STAT3: variants seen among roughly 807,000 people sequenced by gnomAD.
STAT3 encodes signal transducer and activator of transcription 3.
A neutral mutation model predicts 114.3 loss-of-function variants in STAT3; 7 were observed. The ratio of observed to expected loss-of-function variants is 0.06; its 90% confidence interval spans 0.03 to 0.11. The LOEUF (loss-of-function observed/expected upper bound fraction) is 0.11. STAT3 is among the 10% of genes least tolerant of loss of function. The pLI, the probability that STAT3 is intolerant of heterozygous loss-of-function variation, is 1.00. For missense variants in STAT3, 364 were observed against 960.9 expected, an observed-to-expected ratio of 0.38 and a Z score of 8.21; for synonymous variants, 331 against 354.5, an observed-to-expected ratio of 0.93 and a Z score of 0.74.
At chr17:42,371,992 C>CA (rs996707769) in intron 1 of STAT3, among the ~76,000 whole-genome samples, 3 of 151,378 alleles carry the variant, frequency 2.0e-5, no homozygotes, top group South Asian at 2.1e-4. Flanking sequence ...ACTCTGTCTC[C>CA]AAAAAAAACC....
At position 42,350,461 on chromosome 17, in the gene STAT3, A is replaced by T. The variant is rs190989434; in HGVS notation, c.-23-1922T>A. On this transcript the variant is annotated intron_variant, in intron 1 of 23. Transcript: ENST00000264657. ...GCACCTGGCTAATTTTTTTAAAAAA[A>T]TTTTTGTAGAGATAGGGTCTTCACT... is the stretch of plus-strand genomic sequence containing the variant. 1.8e-3 allele frequency among the ~76,000 whole-genome samples: 273 copies of T among 152,162 alleles called. 3 individuals carry two copies. The highest frequency in any genetic ancestry group is 5.9e-3 in the African/African-American group (246 of 41,534).
At chr17:42,325,523 T>C (rs1421997089) in intron 15 of STAT3, among the ~76,000 whole-genome samples, 1 of 152,138 alleles carries the variant, frequency 6.6e-6, no homozygotes, top group Non-Finnish European at 1.5e-5. Flanking sequence ...ACACACTGGC[T>C]GCTAAGACTC....
At position 42,323,319 on chromosome 17, in the gene STAT3, G is replaced by C; in HGVS notation, c.1689C>G (p.Val563=). Residue 563 remains valine (V), a synonymous_variant, in exon 19 of 24, where the codon GTC becomes GTG. Transcript: ENST00000264657. Reference sequence around the variant, plus strand: ...CAAGGTCAATGATATTGTCCAGCCAGACCCAGAAGGAGAAGCCCTTGCCAG... The same window carrying C: ...CAAGGTCAATGATATTGTCCAGCCACACCCAGAAGGAGAAGCCCTTGCCAG... The part of the protein sequence containing the change: ...NMAGKGFSFW[V]WLDNIIDLVK... 6.2e-7 allele frequency: 1 copy of C among 1,614,184 alleles called. No homozygotes were observed. The highest frequency in any genetic ancestry group is 1.1e-5 in the South Asian group (1 of 91,082).
chr17:42,375,967 A>G (rs1482670197), intron 1 of STAT3, among the ~76,000 whole-genome samples: 2 of 152,042 alleles, frequency 1.3e-5, no homozygotes, highest in East Asian at 1.9e-4. Context: ...CCTGGCCAAC[A>G]TGGTAAAACC....
Position 42,323,624 on chromosome 17 carries a change from T to A in STAT3, c.1602A>T (p.Gly534=), listed in dbSNP as rs1282530297. The change falls in exon 18 of 24, where the codon GGA becomes GGT. Residue 534 remains glycine (G), a splice_region_variant and synonymous_variant. Coordinates refer to ENST00000264657, the MANE Select transcript of STAT3 (RefSeq NM_139276.3). The part of the protein sequence containing the change: ...QLTTLAEKLL[G]PGVNYSGCQI... ...GACACCCTGAATAATTCACACCAGGTCCTGAAGGAAAGAAAAAGAGTCAAG... is the reference window on the plus strand; with the variant it reads ...GACACCCTGAATAATTCACACCAGGACCTGAAGGAAAGAAAAAGAGTCAAG... 2 of 1,589,840 alleles carry A rather than the reference T, an allele frequency of 1.3e-6. No individual in the cohort carries two copies. Among genetic ancestry groups the A allele is most frequent in the Non-Finnish European group, 1.7e-6 (2 of 1,177,560 alleles).
chr17:42,381,881 T>A (rs8074288), intron 1 of STAT3, among the ~76,000 whole-genome samples: 3,214 of 152,238 alleles, frequency 0.021, 130 homozygotes, highest in African/African-American at 0.07. Context: ...TCTTTTTTTT[T>A]ATAATAGCAT....
chr17:42,329,477 C>T lies in STAT3; in HGVS notation c.1234-20G>A, dbSNP rs1295238500. Reference sequence around the variant, plus strand: ...CAGGGTCTGTAAGAAAAGAAAAAGGCAGGTGTCCTGTGAGGCTCTCCCTAG... The same window carrying T: ...CAGGGTCTGTAAGAAAAGAAAAAGGTAGGTGTCCTGTGAGGCTCTCCCTAG... On this transcript the variant is annotated intron_variant, in intron 13 of 23. Coordinates refer to ENST00000264657, the MANE Select transcript of STAT3 (RefSeq NM_139276.3). 3 of 1,614,070 alleles carry T rather than the reference C, an allele frequency of 1.9e-6. No homozygotes were observed. Among genetic ancestry groups the T allele is most frequent in the Admixed American group, 1.7e-5 (1 of 60,000 alleles).
In STAT3 at chr17:42,337,110, G is replaced by T. The variant is rs1230009457; in HGVS notation, c.797+325C>A. On this transcript the variant is annotated intron_variant, in intron 8 of 23. Transcript: ENST00000264657. The surrounding 1 kb of genome is among the most constrained non-coding windows in gnomAD (Gnocchi z 4.0). ...TCTCCTGCCTCAGCCGCCCAGAGTAGCTGGGACTACAGGTGCGCACCACCA... is the reference window on the plus strand; with the variant it reads ...TCTCCTGCCTCAGCCGCCCAGAGTATCTGGGACTACAGGTGCGCACCACCA... Among the ~76,000 whole-genome samples, 1 of 151,992 alleles carries T rather than the reference G, an allele frequency of 6.6e-6. No homozygotes were observed. Among genetic ancestry groups the T allele is most frequent in the African/African-American group, 2.4e-5 (1 of 41,352 alleles).
intron 1 of STAT3, among the ~76,000 whole-genome samples, chr17:42,385,981 T>A (rs1444918457): frequency 6.6e-6 from 1 of 152,066 alleles, no homozygotes; most frequent in Non-Finnish European, 1.5e-5. Context: ...CAGATATATG[T>A]TAGAATTTCA....
chr17:42,387,541 G>T (rs190728989), intron 1 of STAT3: 1 of 152,226 alleles, frequency 6.6e-6, no homozygotes, highest in Admixed American at 6.5e-5. Context: ...ACAATGTCAA[G>T]AGGTTTATTT....
intron 1 of STAT3, among the ~76,000 whole-genome samples, chr17:42,362,779 A>G (rs1303821932): frequency 1.3e-5 from 2 of 152,188 alleles, no homozygotes; most frequent in African/African-American, 2.4e-5. Context: ...ACTCATTACT[A>G]GCATGACCGA....
intron 1 of STAT3, among the ~76,000 whole-genome samples, chr17:42,369,818 C>G (rs2084007863): frequency 6.6e-6 from 1 of 151,952 alleles, no homozygotes; most frequent in South Asian, 2.1e-4. Flanking sequence ...GCTGCCAAAC[C>G]CAGCTAATTA....
intron 14 of STAT3, among the ~76,000 whole-genome samples, chr17:42,326,462 T>C (rs150212919): frequency 6.6e-6 from 1 of 151,900 alleles, no homozygotes; most frequent in East Asian, 1.9e-4. Context: ...GAGCTATGAT[T>C]GTGCCACTGC....
chr17:42,317,199 C>T lies in STAT3; in HGVS notation c.2127G>A (p.Lys709=), dbSNP rs1209266918. 3 of 1,613,848 alleles carry T rather than the reference C, an allele frequency of 1.9e-6. No homozygotes were observed. Among genetic ancestry groups the T allele is most frequent in the Admixed American group, 3.3e-5 (2 of 59,986 alleles). ...CCACTTACGGTGTCACACAGATAAA[C>T]TTGGTCTTCAGGTATGGGGCAGCGC... ...PGSAAPYLKT[K]FICVTPTTCS... Residue 709 remains lysine (K), a synonymous_variant, in exon 22 of 24, where the codon AAG becomes AAA. Coordinates refer to ENST00000264657, the MANE Select transcript of STAT3 (RefSeq NM_139276.3).
intron 14 of STAT3, 94 bp downstream of exon 14, chr17:42,329,316 T>C: frequency 5.1e-6 from 8 of 1,563,590 alleles, no homozygotes; most frequent in Non-Finnish European, 7.0e-6. Flanking sequence ...AAGAACAGGT[T>C]GATGTTTCTA....
rs2081518900 is a variant in STAT3, at chr17:42,322,388, G to A, written c.1995C>T (p.Ile665=). 2.5e-6 allele frequency: 4 copies of A among 1,614,066 alleles called. No individual in the cohort carries two copies. The highest frequency in any genetic ancestry group is 8.5e-7 in the Non-Finnish European group (1 of 1,180,042). ...MGYKIMDATN[I]LVSPLVYLYP... ...AGAGATAGACCAGTGGAGACACCAG[G>A]ATATTGGTAGCATCCATGATCTTAT... The change falls in exon 21 of 24, where the codon ATC becomes ATT. Residue 665 remains isoleucine, a synonymous_variant. Coordinates refer to ENST00000264657, the MANE Select transcript of STAT3 (RefSeq NM_139276.3).
intron 4 of STAT3, among the ~76,000 whole-genome samples, chr17:42,343,306 C>G (rs997904292): frequency 6.6e-6 from 1 of 151,740 alleles, no homozygotes; most frequent in Non-Finnish European, 1.5e-5. Flanking sequence ...ATATTAAAGA[C>G]GGTAAAACCC....
In STAT3 at chr17:42,314,948, C is replaced by T. The variant is rs2081197556; in HGVS notation, c.*797G>A. Reference sequence around the variant, plus strand: ...CAATTTTGGCTCACTGCAACCTCCGCCTCTCAGGTTCAAGCGATTCTCCTG... The same window carrying T: ...CAATTTTGGCTCACTGCAACCTCCGTCTCTCAGGTTCAAGCGATTCTCCTG... On this transcript the variant is annotated 3_prime_UTR_variant, in exon 24 of 24. Coordinates refer to ENST00000264657, the MANE Select transcript of STAT3 (RefSeq NM_139276.3). The T allele has an allele frequency of 1.7e-5, 3 of 177,688 alleles. No homozygotes were observed. The highest frequency in any genetic ancestry group is 3.6e-5 in the Non-Finnish European group (3 of 83,136). The allele number at this position is 177,688 out of a possible 1,614,324, so 11.0% of individuals were successfully genotyped here. A position where few individuals can be genotyped will look rare whatever the true frequency, so the allele number is the denominator to read the frequency against.
chr17:42,362,787 C>T (rs933643078), intron 1 of STAT3, among the ~76,000 whole-genome samples: 4 of 152,150 alleles, frequency 2.6e-5, no homozygotes, highest in Admixed American at 6.6e-5. Context: ...CTAGCATGAC[C>T]GACATCCTGG....
Sources: allele counts gnomAD v4.1 joint callset (sites outside exome capture counted in the v4.1 genomes callset), GRCh38; gene constraint gnomAD v4.1.1; non-coding constraint Gnocchi (gnomAD v3.1); transcripts MANE v1.5; gene names NCBI Gene and HGNC (gene_info 2026-07-23, HGNC 2026-07-21).